TOP2A: variants seen among roughly 807,000 people sequenced by gnomAD.
The protein encoded by TOP2A is DNA topoisomerase II alpha.
Under a neutral mutation model 187.2 loss-of-function variants are expected in TOP2A, and 68 were observed. The observed-to-expected ratio is 0.36, with a 90% CI of 0.30 to 0.44. The LOEUF (loss-of-function observed/expected upper bound fraction) is 0.44. TOP2A is among the 20% of genes least tolerant of loss of function. The pLI is 1.00. For missense variants in TOP2A, 1,196 were observed against 1,808.7 expected (o/e 0.66, Z 6.14); for synonymous variants, 542 against 593.2 (o/e 0.91, Z 1.25).
rs779276190 is a variant in TOP2A at position 40,408,475 on chromosome 17, CATT to C, written c.1342+14_1342+16del. ...ACTATAAGACTTAAAAGTTTGGAAA[CATT>C]ATTAAATATATACCTGCATCATTGG... On this transcript the variant is annotated intron_variant, in intron 11 of 34. Coordinates refer to ENST00000423485, the MANE Select transcript of TOP2A (RefSeq NM_001067.4). 7 of 1,594,352 alleles carry C rather than the reference CATT, an allele frequency of 4.4e-6. No homozygotes were observed. The African/African-American group carries it at 6.8e-5, about 15-fold the overall frequency.
At position 40,404,136 on chromosome 17, in the gene TOP2A, T is replaced by A. The variant is rs145305424; in HGVS notation, c.2283+16A>T. 1,485 of 1,610,528 alleles carry A rather than the reference T, an allele frequency of 9.2e-4. 15 individuals carry two copies. In the African/African-American group the frequency reaches 0.017, roughly 19 times the overall value. ...TCTGATATAATGCTTTCTGGAAACA[T>A]GGATTGTGTGTTTACCTCACCATGA... On this transcript the variant is annotated intron_variant, in intron 19 of 34. Coordinates refer to ENST00000423485, the MANE Select transcript of TOP2A (RefSeq NM_001067.4).
chr17:40,391,831 G>A (rs533253191), intron 32 of TOP2A, 191 bp from the exon 33 acceptor site: 1 of 810,842 alleles, frequency 1.2e-6, no homozygotes, highest in Admixed American at 3.5e-5. Flanking sequence ...TTTATTTTTT[G>A]TATCTCTAGC....
chr17:40,416,509 T>C lies in TOP2A; in HGVS notation c.181A>G (p.Met61Val). The stretch of plus-strand genomic sequence containing the variant: ...CCAACATCTTCATCGTAAACCCACA[T>C]TTGCTAGAAATAAGGCAAAGAAATA... ...IGSVELVTQQ[M>V]WVYDEDVGIN... Residue 61 changes from methionine to valine, a missense_variant, in exon 3 of 35, where the codon ATG becomes GTG. Physicochemically the swap from Met to Val is conservative, Grantham distance 21. This residue lies in a region of TOP2A where 97 missense variants were observed against 171.0 expected (regional missense o/e 0.57). Transcript: ENST00000423485. The C allele has an allele frequency of 6.3e-7, 1 of 1,598,884 alleles. No individual in the cohort carries two copies. Among genetic ancestry groups the C allele is most frequent in the Non-Finnish European group, 8.5e-7 (1 of 1,170,612 alleles).
chr17:40,388,695 A>G lies in TOP2A; in HGVS notation c.*824T>C, dbSNP rs2034987706. On this transcript the variant is annotated 3_prime_UTR_variant, in exon 35 of 35. Transcript: ENST00000423485. ...AAATTGAAATTATGGAGATTTCCCA[A>G]AATGAATCTAATAGCTCATTGCTGA... 1 of 187,794 alleles carries G rather than the reference A, an allele frequency of 5.3e-6. No homozygotes were observed. The highest frequency in any genetic ancestry group is 2.3e-5 in the African/African-American group (1 of 42,788). The allele number at this position is 187,794 out of a possible 1,614,324, so 11.6% of individuals were successfully genotyped here.
rs1278355135 is a variant in TOP2A at position 40,416,591 on chromosome 17, ATATTAAG to A, written c.178-86_178-80del. The stretch of plus-strand genomic sequence containing the variant: ...TTATCATGATTACCATAAAGTGTTC[ATATTAAG>A]TATTACCATATTTAGGCCAGTTCCA... On this transcript the variant is annotated intron_variant, in intron 2 of 34. Transcript: ENST00000423485. The A allele has an allele frequency of 4.9e-6, 7 of 1,419,976 alleles. 1 individual carries two copies. In the East Asian group the frequency reaches 1.6e-4, roughly 32 times the overall value. 88.0% of individuals were successfully genotyped at this position (1,419,976 alleles called of 1,614,324 possible).
chr17:40,406,536 C>A, intron 15 of TOP2A, 43 bp from the exon 16 acceptor site: 8 of 1,606,876 alleles, frequency 5.0e-6, no homozygotes, highest in African/African-American at 2.7e-5. Context: ...TAGTCTTGTA[C>A]AGGGTGTATA....
intron 27 of TOP2A, among the ~76,000 whole-genome samples, chr17:40,398,110 CTTTTT>C (rs1048890086): frequency 7.8e-6 from 1 of 127,648 alleles, no homozygotes; most frequent in Non-Finnish European, 1.7e-5. Flanking sequence ...TAATCTGTCC[CTTTTT>C]TTTTTTTTTT....
chr17:40,396,416 T>A lies in TOP2A; in HGVS notation c.3587A>T (p.Lys1196Ile), dbSNP rs1326161636. Residue 1196 changes from lysine (K) to isoleucine (I), a missense_variant, in exon 28 of 35, where the codon AAA (lysine) becomes ATA (isoleucine). Around this residue, in one of 10 missense-constraint regions of TOP2A, gnomAD observed 374 missense variants for 403.3 expected, o/e 0.93. Coordinates refer to ENST00000423485, the MANE Select transcript of TOP2A (RefSeq NM_001067.4). Reference protein sequence around the residue: ...KQDEQVGLPGKGGKAKGKKTQ... With the variant: ...KQDEQVGLPGIGGKAKGKKTQ... ...TTTTTTCCCCTTGGCCTTCCCCCCTTTCCCAGGAAGTCCGACTTGTTCATC... is the reference window on the plus strand; with the variant it reads ...TTTTTTCCCCTTGGCCTTCCCCCCTATCCCAGGAAGTCCGACTTGTTCATC... The A allele has an allele frequency of 3.3e-5, 53 of 1,613,856 alleles. No homozygotes were observed. Among genetic ancestry groups the A allele is most frequent in the Non-Finnish European group, 4.5e-5 (53 of 1,179,874 alleles).
rs1465029342 is a variant in TOP2A, at chr17:40,408,135, A to C, written c.1343-11T>G. The C allele has an allele frequency of 3.8e-6, 6 of 1,575,586 alleles. No homozygotes were observed. The highest frequency in any genetic ancestry group is 5.2e-6 in the Non-Finnish European group (6 of 1,159,778). On this transcript the variant is annotated splice_polypyrimidine_tract_variant and intron_variant, in intron 11 of 34. Coordinates refer to ENST00000423485, the MANE Select transcript of TOP2A (RefSeq NM_001067.4). ...TGGAGTTTCGGCCCCCTAAAATAAA[A>C]ATATACATATTAATATTAGCACATT...
At position 40,412,922 on chromosome 17, in the gene TOP2A, A is replaced by G; in HGVS notation, c.626T>C (p.Phe209Ser). ...GRAGEMELKP[F>S]NGEDYTCITF... is the part of the protein sequence containing the mutation. The stretch of plus-strand genomic sequence containing the variant: ...GATACATGTATAATCTTCTCCATTG[A>G]AGGGCTTGAGTTCCATCTCACCAGC... Residue 209 changes from phenylalanine to serine, a missense_variant, in exon 7 of 35, where the codon TTC (phenylalanine) becomes TCC (serine). Physicochemically the swap from Phe to Ser is radical, Grantham distance 155. Transcript: ENST00000423485. The G allele has an allele frequency of 6.2e-7, 1 of 1,613,862 alleles. No individual in the cohort carries two copies. The highest frequency in any genetic ancestry group is 1.1e-5 in the South Asian group (1 of 91,046).
chr17:40,389,914 A>C, intron 34 of TOP2A, 51 bp downstream of exon 34: 1 of 1,533,376 alleles, frequency 6.5e-7, no homozygotes, highest in Non-Finnish European at 8.8e-7. Context: ...TGGCTTAGTT[A>C]CGTGTTTCAG....
chr17:40,413,083 C>T, intron 6 of TOP2A, 112 bp from the exon 7 acceptor site: 2 of 1,275,450 alleles, frequency 1.6e-6, no homozygotes, highest in Non-Finnish European at 2.2e-6. Flanking sequence ...TTATAATTTT[C>T]CATACTTCAA....
chr17:40,391,028 A>G (rs1021344502), intron 33 of TOP2A, among the ~76,000 whole-genome samples: 1 of 152,100 alleles, frequency 6.6e-6, no homozygotes, highest in Non-Finnish European at 1.5e-5. Flanking sequence ...CCTGGTACTG[A>G]GAGAAACTCA....
In TOP2A at chr17:40,400,609, A is replaced by G; in HGVS notation, c.2719T>C (p.Tyr907His). ...ATAGCTACTTCACCACTAATCACAT[A>G]TTGATTTGGAGCCAGTTCTTCAATA... ...GTIEELAPNQ[Y>H]VISGEVAILN... The change falls in exon 22 of 35, where the codon TAT (tyrosine) becomes CAT (histidine). Residue 907 changes from tyrosine (Y) to histidine (H), a missense_variant. Physicochemically the swap from Tyr to His is moderately conservative, Grantham distance 83. Transcript: ENST00000423485. 6.2e-7 allele frequency: 1 copy of G among 1,610,122 alleles called. No homozygotes were observed. Among genetic ancestry groups the G allele is most frequent in the East Asian group, 2.2e-5 (1 of 44,846 alleles).
Position 40,391,559 on chromosome 17 carries a change from A to G in TOP2A, c.4214T>C (p.Ile1405Thr). Reference protein sequence around the residue: ...PATHFPDETEITNPVPKKNVT... With the variant: ...PATHFPDETETTNPVPKKNVT... The stretch of plus-strand genomic sequence containing the variant: ...ATTCTTTTTAGGAACTGGGTTTGTA[A>G]TTTCAGTTTCATCTGGGAAATGTGT... The change falls in exon 33 of 35, where the codon ATT becomes ACT. Residue 1405 changes from isoleucine (I) to threonine (T), a missense_variant. Around this residue, in one of 10 missense-constraint regions of TOP2A, gnomAD observed 374 missense variants for 403.3 expected, o/e 0.93. Coordinates refer to ENST00000423485, the MANE Select transcript of TOP2A (RefSeq NM_001067.4). The G allele has an allele frequency of 6.2e-7, 1 of 1,613,208 alleles. No individual in the cohort carries two copies. The highest frequency in any genetic ancestry group is 8.5e-7 in the Non-Finnish European group (1 of 1,179,584).
chr17:40,410,159 G>A (rs1364573549), intron 10 of TOP2A: 1 of 171,798 alleles, frequency 5.8e-6, no homozygotes, highest in Non-Finnish European at 1.3e-5. Context: ...TTGCTAATAA[G>A]GTATGTTCAA....
At chr17:40,391,809 G>T in intron 32 of TOP2A, 169 bp from the exon 33 acceptor site, 1 of 892,754 alleles carries the variant, frequency 1.1e-6, no homozygotes, top group Non-Finnish European at 1.6e-6. Context: ...TTTTTTATCA[G>T]CAAGAACAGT....
In TOP2A at chr17:40,404,446, A is replaced by G. The variant is rs749170584; in HGVS notation, c.2092T>C (p.Phe698Leu). The G allele has an allele frequency of 6.2e-7, 1 of 1,612,058 alleles. No individual in the cohort carries two copies. Among genetic ancestry groups the G allele is most frequent in the Non-Finnish European group, 8.5e-7 (1 of 1,178,342 alleles). The change falls in exon 18 of 35, where the codon TTC (phenylalanine) becomes CTC (leucine). Residue 698 changes from phenylalanine (F) to leucine (L), a missense_variant. This residue lies in a region of TOP2A where 209 missense variants were observed against 376.9 expected (regional missense o/e 0.55). Transcript: ENST00000423485. ...QTTTYLTYND[F>L]INKELILFSN... Reference sequence around the variant, plus strand: ...AACAAGATAAGTTCCTTGTTGATGAAGTCATTATATGTCAGATATGTGGTA... The same window carrying G: ...AACAAGATAAGTTCCTTGTTGATGAGGTCATTATATGTCAGATATGTGGTA...
At chr17:40,413,323 T>C (rs753348545) in intron 5 of TOP2A, 31 bp from the exon 6 acceptor site, 1 of 1,518,364 alleles carries the variant, frequency 6.6e-7, no homozygotes, top group Non-Finnish European at 8.9e-7. Context: ...CACTATTTTA[T>C]TGTTACTATC....
Sources: allele counts gnomAD v4.1 joint callset (sites outside exome capture counted in the v4.1 genomes callset), GRCh38; gene constraint gnomAD v4.1.1; regional missense constraint gnomAD v4.1.1; transcripts MANE v1.5; gene names NCBI Gene and HGNC (gene_info 2026-07-23, HGNC 2026-07-21).